PCDHA4: variants seen among roughly 807,000 people sequenced by gnomAD.
PCDHA4 encodes the protein protocadherin alpha 4, also known as protocadherin alpha-4.
A neutral mutation model predicts 61.4 loss-of-function variants in PCDHA4; 49 were observed. The ratio of observed to expected loss-of-function variants is 0.80; its 90% confidence interval spans 0.63 to 1.01. PCDHA4 has a LOEUF of 1.01. Ranked by LOEUF, PCDHA4 falls within the 50% of genes least tolerant of loss-of-function variation. PCDHA4 has a pLI of 0.00. For missense variants in PCDHA4, 1,254 were observed against 1,235.8 expected, an observed-to-expected ratio of 1.01 and a Z score of -0.22; for synonymous variants, 590 against 550.3, an observed-to-expected ratio of 1.07 and a Z score of -1.01.
At chr5:140,842,786 C>A (rs1554139367) in intron 1 of PCDHA4, 1 of 1,594,526 alleles carries the variant, frequency 6.3e-7, no homozygotes, top group Admixed American at 1.7e-5. Flanking sequence ...GGAGAACGCG[C>A]TGGTGTCCTA....
In PCDHA4 at chr5:140,829,866, C is replaced by G. The variant is rs180987045; in HGVS notation, c.2385+20294C>G. On this transcript the variant is annotated intron_variant, in intron 1 of 3. Transcript: ENST00000530339. ...TCACTGGGTGCAGGCCAAGTGGTGG[C>G]GAAGGTGCGCGCAGTTGACGCCGAC... 3.8e-5 allele frequency: 61 copies of G among 1,613,892 alleles called. No individual in the cohort carries two copies. The highest frequency in any genetic ancestry group is 4.4e-5 in the Non-Finnish European group (52 of 1,179,870).
intron 1 of PCDHA4, chr5:140,823,332 G>A: frequency 6.2e-7 from 1 of 1,612,144 alleles, no homozygotes; most frequent in Non-Finnish European, 8.5e-7. Context: ...TGTACGCGCT[G>A]CAGCCGCTGG....
intron 1 of PCDHA4, chr5:140,851,769 T>C: frequency 1.0e-6 from 1 of 967,128 alleles, no homozygotes; most frequent in Non-Finnish European, 1.2e-6. Flanking sequence ...ATTACCCTTA[T>C]GAATTTAGAT....
In PCDHA4 at chr5:140,967,905, C is replaced by G. The variant is rs782291807; in HGVS notation, c.2386-11044C>G. ...AGCCCAGTGCCTGAGAATGCTACAC[C>G]CAACACCATTGTGGCCGTTCTCAGT... is the stretch of plus-strand genomic sequence containing the variant. On this transcript the variant is annotated intron_variant, in intron 1 of 3. Transcript: ENST00000530339. 36 of 1,614,168 alleles carry G rather than the reference C, an allele frequency of 2.2e-5. No homozygotes were observed. Among genetic ancestry groups the G allele is most frequent in the Non-Finnish European group, 2.8e-5 (33 of 1,180,028 alleles).
chr5:140,872,867 A>G (rs549673745), intron 1 of PCDHA4, among the ~76,000 whole-genome samples: 37 of 152,332 alleles, frequency 2.4e-4, no homozygotes, highest in African/African-American at 8.7e-4. Flanking sequence ...CCTACTGACA[A>G]TTATCAGTTT....
rs2150331994 is a variant in PCDHA4, at chr5:140,842,213, A to G, written c.2385+32641A>G. The G allele has an allele frequency of 8.1e-6, 13 of 1,613,600 alleles. 1 individual carries two copies. The South Asian group carries it at 1.4e-4, about 18-fold the overall frequency. ...TATTGACCACTTTAGCATAGATCGA[A>G]ATACGGGAGAAATAGTGATTCGGGG... On this transcript the variant is annotated intron_variant, in intron 1 of 3. Coordinates refer to ENST00000530339, the MANE Select transcript of PCDHA4 (RefSeq NM_018907.4).
intron 1 of PCDHA4, among the ~76,000 whole-genome samples, chr5:140,895,983 G>A (rs1186137755): frequency 1.3e-5 from 2 of 151,942 alleles, no homozygotes; most frequent in Non-Finnish European, 2.9e-5. Context: ...GCTAATTTTT[G>A]TATTTTAAGT....
At chr5:140,875,773 G>C in intron 1 of PCDHA4, 1 of 1,614,268 alleles carries the variant, frequency 6.2e-7, no homozygotes, top group Non-Finnish European at 8.5e-7. Context: ...GCGGAGCGCG[G>C]AGTGCAGTAT....
At chr5:140,916,967 G>T (rs1215722713) in intron 1 of PCDHA4, among the ~76,000 whole-genome samples, 1 of 152,194 alleles carries the variant, frequency 6.6e-6, no homozygotes, top group African/African-American at 2.4e-5. Flanking sequence ...TGACTGCTGG[G>T]ATGAGTGATT....
At chr5:140,850,480 C>G in intron 1 of PCDHA4, 1 of 1,597,900 alleles carries the variant, frequency 6.3e-7, no homozygotes, top group Non-Finnish European at 8.6e-7. Flanking sequence ...CTGACGGCCA[C>G]GGCCACTGTG....
rs146607016 is a variant in PCDHA4, at chr5:140,835,699, C to A, written c.2385+26127C>A. 1.1e-4 allele frequency: 183 copies of A among 1,613,916 alleles called. 1 individual carries two copies. The highest frequency in any genetic ancestry group is 1.4e-4 in the Non-Finnish European group (162 of 1,179,884). On this transcript the variant is annotated intron_variant, in intron 1 of 3. Transcript: ENST00000530339. ...GGCTCGCCTTCTCTGTGGGCCACTGCTAGCGTGTCCGTGGAGGTGGCCGAC... is the reference window on the plus strand; with the variant it reads ...GGCTCGCCTTCTCTGTGGGCCACTGATAGCGTGTCCGTGGAGGTGGCCGAC...
Position 140,828,813 on chromosome 5 carries a change from C to G in PCDHA4, c.2385+19241C>G, listed in dbSNP as rs2150159303. On this transcript the variant is annotated intron_variant, in intron 1 of 3. Coordinates refer to ENST00000530339, the MANE Select transcript of PCDHA4 (RefSeq NM_018907.4). ...CTGGATGTGAATGATAATGCTCCCA[C>G]TTTCGAACAGTCTGAATACGAAGTA... is the stretch of plus-strand genomic sequence containing the variant. 2.5e-6 allele frequency: 4 copies of G among 1,614,220 alleles called. No individual in the cohort carries two copies. The South Asian group carries it at 4.4e-5, about 18-fold the overall frequency.
chr5:140,849,790 C>G lies in PCDHA4; in HGVS notation c.2385+40218C>G, dbSNP rs2150450402. 2.5e-6 allele frequency: 4 copies of G among 1,598,236 alleles called. 1 individual carries two copies. The highest frequency in any genetic ancestry group is 2.2e-5 in the East Asian group (1 of 44,828). ...GTGGTTACCGCGCGGGACGGGGGCT[C>G]GCCTTCACTGTGGGCCACGGCCAGG... On this transcript the variant is annotated intron_variant, in intron 1 of 3. Transcript: ENST00000530339.
At chr5:140,876,759 TG>T (rs2056563971) in intron 1 of PCDHA4, 10 of 1,614,028 alleles carry the variant, frequency 6.2e-6, no homozygotes, top group African/African-American at 2.7e-5. Context: ...CTGCGCGGGA[TG>T]GGGGCTCGCC....
chr5:140,875,388 G>A, intron 1 of PCDHA4: 5 of 1,468,696 alleles, frequency 3.4e-6, no homozygotes, highest in Non-Finnish European at 4.5e-6. Flanking sequence ...TGTACTTACA[G>A]AAAAGGGTGA....
chr5:140,808,191 G>A lies in PCDHA4; in HGVS notation c.1004G>A (p.Arg335Lys), dbSNP rs782610577. ...KGQLPLSGHCRVIVEVEDNND... is the reference protein window; with the variant it reads ...KGQLPLSGHCKVIVEVEDNND... ...CAGCTCCCACTTTCTGGCCATTGTAGAGTTATTGTGGAAGTAGAAGACAAC... is the reference window on the plus strand; with the variant it reads ...CAGCTCCCACTTTCTGGCCATTGTAAAGTTATTGTGGAAGTAGAAGACAAC... The change falls in exon 1 of 4, where the codon AGA becomes AAA. Residue 335 changes from arginine to lysine, a missense_variant. By Grantham distance (26) the Arg-to-Lys change is conservative. Coordinates refer to ENST00000530339, the MANE Select transcript of PCDHA4 (RefSeq NM_018907.4). 6.2e-6 allele frequency: 10 copies of A among 1,614,230 alleles called. No homozygotes were observed. In the South Asian group the frequency reaches 8.8e-5, roughly 14 times the overall value.
chr5:140,924,942 GT>G (rs1180985667), intron 1 of PCDHA4, among the ~76,000 whole-genome samples: 3 of 120,862 alleles, frequency 2.5e-5, no homozygotes, highest in African/African-American at 8.7e-5. Context: ...AAAATAAAAA[GT>G]TAAAAAAAAA....
At chr5:140,834,367 C>G in intron 1 of PCDHA4, 1 of 1,554,312 alleles carries the variant, frequency 6.4e-7, no homozygotes, top group East Asian at 2.3e-5. Context: ...ACTAGAAAAA[C>G]AAGCCAATAA....
intron 1 of PCDHA4, among the ~76,000 whole-genome samples, chr5:140,908,540 G>T (rs1562965244): frequency 6.6e-6 from 1 of 152,150 alleles, no homozygotes; most frequent in African/African-American, 2.4e-5. Flanking sequence ...TTCCACCAAA[G>T]CCCAGTAATA....
Sources: allele counts gnomAD v4.1 joint callset (sites outside exome capture counted in the v4.1 genomes callset), GRCh38; gene constraint gnomAD v4.1.1; transcripts MANE v1.5; gene names NCBI Gene and HGNC (gene_info 2026-07-23, HGNC 2026-07-21).